Variants in GRK5 observed in about 807,000 individuals in gnomAD.
GRK5 encodes G protein-coupled receptor kinase 5.
Under a neutral mutation model 78.4 loss-of-function variants are expected in GRK5, and 40 were observed. That is an observed-to-expected ratio of 0.51 (90% CI 0.40 to 0.66). GRK5 has a LOEUF of 0.66. Among genes scored for constraint, GRK5 ranks in the 30% least tolerant of loss-of-function variants. The pLI, the probability that GRK5 is intolerant of heterozygous loss-of-function variation, is 0.00. For missense variants in GRK5, 598 were observed against 759.9 expected (o/e 0.79, Z 2.50); for synonymous variants, 289 against 296.8 (o/e 0.97, Z 0.27).
chr10:119,389,608 C>G (rs1227439612), intron 3 of GRK5, among the ~76,000 whole-genome samples: 2 of 152,188 alleles, frequency 1.3e-5, no homozygotes, highest in Non-Finnish European at 2.9e-5. Context: ...GATGTCACCC[C>G]CAAGCTGCAG....
intron 2 of GRK5, among the ~76,000 whole-genome samples, chr10:119,347,072 C>T (rs936996311): frequency 7.2e-5 from 11 of 152,130 alleles, no homozygotes; most frequent in East Asian, 1.9e-4. Context: ...GAGGTGTGGC[C>T]GGCACCTGGT....
chr10:119,218,709 A>G (rs1458538694), intron 1 of GRK5, among the ~76,000 whole-genome samples: 2 of 152,158 alleles, frequency 1.3e-5, no homozygotes, highest in Middle Eastern at 3.2e-3. Context: ...TGAGCATCCA[A>G]CTTTTCTCAA....
intron 1 of GRK5, among the ~76,000 whole-genome samples, chr10:119,308,571 A>G (rs761995158): frequency 3.9e-5 from 6 of 152,218 alleles, no homozygotes; most frequent in Non-Finnish European, 7.3e-5. Context: ...AGTCGGGATG[A>G]CAAAGTTAGG....
chr10:119,263,690 G>C (rs567489186), intron 1 of GRK5, among the ~76,000 whole-genome samples: 194 of 152,302 alleles, frequency 1.3e-3, no homozygotes, highest in Middle Eastern at 0.01. Context: ...TTGGGAAGCT[G>C]AGATGGGCTG....
intron 1 of GRK5, among the ~76,000 whole-genome samples, chr10:119,222,731 A>G (rs1455169190): frequency 1.3e-5 from 2 of 152,056 alleles, no homozygotes; most frequent in Admixed American, 6.6e-5. Flanking sequence ...CAGATGTGTG[A>G]GCTAGCTCTA....
At chr10:119,391,389 C>A (rs1312608825) in intron 3 of GRK5, among the ~76,000 whole-genome samples, 2 of 152,218 alleles carry the variant, frequency 1.3e-5, no homozygotes, top group Non-Finnish European at 2.9e-5. Context: ...CCATCTGAAG[C>A]ACCGTGCAGG....
At chr10:119,338,634 C>T (rs1230298731) in intron 2 of GRK5, among the ~76,000 whole-genome samples, 2 of 152,124 alleles carry the variant, frequency 1.3e-5, no homozygotes, top group Non-Finnish European at 2.9e-5. Flanking sequence ...CAAAACTTCC[C>T]ATCTCATGGG....
chr10:119,329,352 C>A (rs979981029), intron 2 of GRK5, among the ~76,000 whole-genome samples: 7 of 152,118 alleles, frequency 4.6e-5, no homozygotes, highest in African/African-American at 1.2e-4. Context: ...ATGTATAAAA[C>A]AAACATAAGA....
At chr10:119,415,075 CT>C (rs1852418619) in intron 4 of GRK5, among the ~76,000 whole-genome samples, 2 of 101,472 alleles carry the variant, frequency 2.0e-5, no homozygotes. Context: ...GAGTGAGACT[CT>C]GTCTCAAAAA....
At chr10:119,226,039 G>A (rs1298586743) in intron 1 of GRK5, among the ~76,000 whole-genome samples, 2 of 151,742 alleles carry the variant, frequency 1.3e-5, no homozygotes, top group Non-Finnish European at 2.9e-5. Context: ...AGTAGAGATG[G>A]TGTTTCACCA....
intron 1 of GRK5, among the ~76,000 whole-genome samples, chr10:119,245,768 A>T (rs1342314651): frequency 6.6e-6 from 1 of 152,178 alleles, no homozygotes; most frequent in Non-Finnish European, 1.5e-5. Context: ...CTGTAATCCC[A>T]GCACTTTGGG....
At chr10:119,249,509 CTTAT>C (rs1163340762) in intron 1 of GRK5, among the ~76,000 whole-genome samples, 2 of 151,210 alleles carry the variant, frequency 1.3e-5, no homozygotes, top group African/African-American at 4.8e-5. Flanking sequence ...TTTTATTTTA[CTTAT>C]TTGAGATGGA....
intron 4 of GRK5, among the ~76,000 whole-genome samples, chr10:119,416,209 C>T (rs1169512049): frequency 6.6e-6 from 1 of 152,244 alleles, no homozygotes; most frequent in Non-Finnish European, 1.5e-5. Context: ...GAGCCTCAAA[C>T]ATCTGGAGTT....
chr10:119,379,159 T>A lies in GRK5; in HGVS notation c.149-1656T>A, dbSNP rs1851673119. Among the ~76,000 whole-genome samples, 1 of 152,226 alleles carries A rather than the reference T, an allele frequency of 6.6e-6. No homozygotes were observed. Among genetic ancestry groups the A allele is most frequent in the Non-Finnish European group, 1.5e-5 (1 of 68,040 alleles). ...CATAACGATGAGAAATGGGGTTTAT[T>A]AATGTGCCAGCATCTGGTCTGAGTG... On this transcript the variant is annotated intron_variant, in intron 2 of 15. Transcript: ENST00000392870. The surrounding 1 kb of genome is among the most constrained non-coding windows in gnomAD (Gnocchi z 4.1).
intron 1 of GRK5, among the ~76,000 whole-genome samples, chr10:119,308,976 C>A (rs1433568760): frequency 6.6e-6 from 1 of 152,226 alleles, no homozygotes; most frequent in Non-Finnish European, 1.5e-5. Context: ...CAGGGCCTGT[C>A]TGGGAGCTCC....
chr10:119,409,100 C>T (rs949572011), intron 4 of GRK5, among the ~76,000 whole-genome samples: 2 of 152,232 alleles, frequency 1.3e-5, no homozygotes, highest in African/African-American at 4.8e-5. Flanking sequence ...ATGCCAGCGC[C>T]CTCCGGGGCC....
In GRK5 at chr10:119,336,683, C is replaced by T. The variant is rs938571331; in HGVS notation, c.148+10072C>T. Among the ~76,000 whole-genome samples, 2 of 152,184 alleles carry T rather than the reference C, an allele frequency of 1.3e-5. No individual in the cohort carries two copies. Among genetic ancestry groups the T allele is most frequent in the Non-Finnish European group, 2.9e-5 (2 of 68,036 alleles). On this transcript the variant is annotated intron_variant, in intron 2 of 15. Transcript: ENST00000392870. This position sits in a 1 kb window ranked among gnomAD's most constrained non-coding sequence, Gnocchi z 4.5. ...GGCCTGCCTGGCTGGCACGTGAGCT[C>T]TTGATTTCATCGTCAGGGAAACCAA...
intron 1 of GRK5, among the ~76,000 whole-genome samples, chr10:119,252,430 G>A (rs775971966): frequency 2.2e-4 from 33 of 152,284 alleles, no homozygotes; most frequent in Middle Eastern, 6.8e-3. Flanking sequence ...GGGGAGAAGT[G>A]TCTCTCTCTG....
intron 1 of GRK5, among the ~76,000 whole-genome samples, chr10:119,274,485 G>A (rs1849635731): frequency 6.6e-6 from 1 of 152,202 alleles, no homozygotes; most frequent in African/African-American, 2.4e-5. Flanking sequence ...TGACCAACCA[G>A]TGAACTCTGC....
Sources: allele counts gnomAD v4.1 joint callset (sites outside exome capture counted in the v4.1 genomes callset), GRCh38; gene constraint gnomAD v4.1.1; non-coding constraint Gnocchi (gnomAD v3.1); transcripts MANE v1.5; gene names NCBI Gene and HGNC (gene_info 2026-07-23, HGNC 2026-07-21).